The following AKT3 variants were observed in gnomAD, a reference collection of about 807,000 sequenced individuals.
AKT3 encodes AKT serine/threonine kinase 3, also known as RAC-gamma serine/threonine-protein kinase.
A neutral mutation model predicts 65.3 loss-of-function variants in AKT3; 15 were observed. The observed-to-expected ratio is 0.23, with a 90% CI of 0.15 to 0.35. The LOEUF (loss-of-function observed/expected upper bound fraction) is 0.35, where lower values mean the gene tolerates loss of function less well. Ranked by LOEUF, AKT3 falls within the 10% of genes least tolerant of loss-of-function variation. AKT3 has a pLI of 1.00. For synonymous variants in AKT3, 206 were observed against 183.8 expected, an observed-to-expected ratio of 1.12 and a Z score of -0.98; for missense variants, 243 against 576.5, an observed-to-expected ratio of 0.42 and a Z score of 5.92.
intron 6 of AKT3, among the ~76,000 whole-genome samples, chr1:243,617,468 T>C (rs1678416808): frequency 6.6e-6 from 1 of 152,034 alleles, no homozygotes; most frequent in African/African-American, 2.4e-5. Context: ...AGTGCTGGTA[T>C]AAGGTAACTT....
At chr1:243,580,618 C>T (rs1675269576) in intron 8 of AKT3, among the ~76,000 whole-genome samples, 1 of 152,130 alleles carries the variant, frequency 6.6e-6, no homozygotes, top group Non-Finnish European at 1.5e-5. Context: ...TTGTGCTTTC[C>T]CCACTTTCAA....
At chr1:243,655,254 T>C (rs568776488) in intron 4 of AKT3, among the ~76,000 whole-genome samples, 3 of 152,306 alleles carry the variant, frequency 2.0e-5, no homozygotes, top group African/African-American at 7.2e-5. Flanking sequence ...TTCCAAATGT[T>C]TTGTTTTCAA....
chr1:243,683,163 T>C (rs1281305279), intron 3 of AKT3, among the ~76,000 whole-genome samples: 1 of 152,186 alleles, frequency 6.6e-6, no homozygotes, highest in Non-Finnish European at 1.5e-5. Flanking sequence ...ATAACCACTC[T>C]GAGTTCCTTT....
rs1024933360 is a variant in AKT3 at position 243,835,601 on chromosome 1, C to A, written c.46+7524G>T. ...AAACTCCCTCTAAATCACTTCGGTC[C>A]CCACCAAGAAATTTTAATACCAAAG... On this transcript the variant is annotated intron_variant, in intron 2 of 13. Transcript: ENST00000673466. 8.6e-5 allele frequency among the ~76,000 whole-genome samples: 13 copies of A among 151,946 alleles called. No individual in the cohort carries two copies. The East Asian group carries it at 2.5e-3, about 29-fold the overall frequency.
At chr1:243,810,222 T>C (rs1416309745) in intron 2 of AKT3, among the ~76,000 whole-genome samples, 1 of 152,038 alleles carries the variant, frequency 6.6e-6, no homozygotes, top group Non-Finnish European at 1.5e-5. Flanking sequence ...CTTCAAAAAA[T>C]CAGTGAATCC....
chr1:243,773,030 G>A (rs1388195459), intron 2 of AKT3, among the ~76,000 whole-genome samples: 5 of 120,770 alleles, frequency 4.1e-5, no homozygotes, highest in Non-Finnish European at 8.3e-5. Context: ...CACACCAGGG[G>A]CTGTTGTGGG....
At chr1:243,617,050 G>T (rs941105964) in intron 6 of AKT3, among the ~76,000 whole-genome samples, 1 of 152,108 alleles carries the variant, frequency 6.6e-6, no homozygotes. Context: ...TAAGCATACA[G>T]CAGATACCTA....
chr1:243,638,343 T>A (rs1680130538), intron 5 of AKT3, among the ~76,000 whole-genome samples: 1 of 152,174 alleles, frequency 6.6e-6, no homozygotes, highest in South Asian at 2.1e-4. Context: ...CTAAGAAGAA[T>A]ATCTTTAATT....
intron 2 of AKT3, among the ~76,000 whole-genome samples, chr1:243,777,161 C>T (rs1389802094): frequency 1.3e-5 from 2 of 150,864 alleles, no homozygotes; most frequent in African/African-American, 4.9e-5. Flanking sequence ...GAGACGGGGG[C>T]GGTGGGGAGT....
chr1:243,761,216 C>G (rs1234832009), intron 2 of AKT3, among the ~76,000 whole-genome samples: 1 of 152,030 alleles, frequency 6.6e-6, no homozygotes, highest in Non-Finnish European at 1.5e-5. Context: ...AAACAGAAGC[C>G]AAACTTGAAA....
intron 2 of AKT3, among the ~76,000 whole-genome samples, chr1:243,729,554 A>T (rs953026743): frequency 6.6e-6 from 1 of 152,220 alleles, no homozygotes; most frequent in Admixed American, 6.5e-5. Flanking sequence ...TTTCACTCAT[A>T]AAAATCTACC....
chr1:243,783,577 T>A (rs983645808), intron 2 of AKT3, among the ~76,000 whole-genome samples: 2 of 152,178 alleles, frequency 1.3e-5, no homozygotes, highest in Admixed American at 6.5e-5. Context: ...AAAAAAAATT[T>A]AAAAATTTGT....
chr1:243,729,805 T>G (rs1432406851), intron 2 of AKT3, among the ~76,000 whole-genome samples: 3 of 152,234 alleles, frequency 2.0e-5, no homozygotes, highest in South Asian at 4.1e-4. Context: ...AATGATAGAT[T>G]ACAGTGTTCT....
intron 2 of AKT3, among the ~76,000 whole-genome samples, chr1:243,715,168 T>A (rs1686425257): frequency 6.6e-6 from 1 of 152,092 alleles, no homozygotes; most frequent in African/African-American, 2.4e-5. Context: ...GAAGAAAGAC[T>A]GTGACTCCAC....
chr1:243,715,652 T>C (rs1686463998), intron 2 of AKT3, among the ~76,000 whole-genome samples: 1 of 152,052 alleles, frequency 6.6e-6, no homozygotes, highest in East Asian at 1.9e-4. Context: ...CAGAAAAACA[T>C]TACATAATAA....
intron 2 of AKT3, among the ~76,000 whole-genome samples, chr1:243,840,947 C>T (rs185341721): frequency 8.6e-5 from 13 of 151,102 alleles, no homozygotes; most frequent in Admixed American, 3.3e-4. Context: ...AATGATGAGA[C>T]AATTAAAAAT....
intron 11 of AKT3, among the ~76,000 whole-genome samples, chr1:243,551,137 G>A (rs1673038306): frequency 6.6e-6 from 1 of 151,916 alleles, no homozygotes; most frequent in South Asian, 2.1e-4. Context: ...ATACCAAATA[G>A]GCACCAAGAA....
chr1:243,542,902 C>T (rs140800869), intron 12 of AKT3, among the ~76,000 whole-genome samples: 89 of 152,226 alleles, frequency 5.8e-4, no homozygotes, highest in African/African-American at 2.0e-3. Flanking sequence ...ACCAGAGCCT[C>T]GCGGGTCACA....
intron 1 of AKT3, among the ~76,000 whole-genome samples, chr1:243,845,498 G>T: frequency 7.3e-6 from 1 of 137,322 alleles, no homozygotes; most frequent in Admixed American, 7.5e-5. Context: ...AGCTACTCAG[G>T]AGGCTGAGGT....
Sources: gnomAD v4.1 joint callset for allele counts (sites outside exome capture counted in the v4.1 genomes callset) on GRCh38, gnomAD v4.1.1 for gene constraint, MANE v1.5 for transcripts, NCBI Gene and HGNC (gene_info 2026-07-23, HGNC 2026-07-21) for gene names.